The following SAMD4A variants were observed in gnomAD, a reference collection of about 807,000 sequenced individuals.
SAMD4A encodes the protein sterile alpha motif domain containing 4A.
In SAMD4A, 33 loss-of-function variants were observed where a neutral mutation model predicts 81.3. That is an observed-to-expected ratio of 0.41 (90% CI 0.31 to 0.54). The LOEUF (loss-of-function observed/expected upper bound fraction) is 0.54. Among genes scored for constraint, SAMD4A ranks in the 20% least tolerant of loss-of-function variants. SAMD4A has a pLI of 0.37. For missense variants in SAMD4A, 854 were observed against 951.1 expected (o/e 0.90, Z 1.34); for synonymous variants, 389 against 382.1 (o/e 1.02, Z -0.21).
intron 2 of SAMD4A, among the ~76,000 whole-genome samples, chr14:54,660,760 T>A (rs2035624228): frequency 6.6e-6 from 1 of 152,252 alleles, no homozygotes; most frequent in South Asian, 2.1e-4. Flanking sequence ...TTTACACAGC[T>A]ATTTTACAAA....
At chr14:54,619,561 T>C (rs2034567160) in intron 2 of SAMD4A, among the ~76,000 whole-genome samples, 1 of 152,352 alleles carries the variant, frequency 6.6e-6, no homozygotes, top group East Asian at 1.9e-4. Flanking sequence ...TTTAATTTTT[T>C]AAACTTTTAA....
intron 2 of SAMD4A, among the ~76,000 whole-genome samples, chr14:54,628,268 T>A (rs774138976): frequency 2.0e-5 from 3 of 152,084 alleles, no homozygotes; most frequent in African/African-American, 4.8e-5. Context: ...CTGTGTCCCT[T>A]CCTGGGGCTG....
At chr14:54,776,366 C>A in intron 10 of SAMD4A, 48 bp from the exon 11 acceptor site, 1 of 1,558,934 alleles carries the variant, frequency 6.4e-7, no homozygotes. Flanking sequence ...CTGCTCTCCA[C>A]CCCAGTGGGG....
chr14:54,677,782 G>A (rs966518663), intron 2 of SAMD4A, among the ~76,000 whole-genome samples: 2 of 152,122 alleles, frequency 1.3e-5, no homozygotes, highest in East Asian at 1.9e-4. Context: ...AAAATATTTG[G>A]CTTTGAAGAA....
chr14:54,591,109 T>C (rs555729752), intron 2 of SAMD4A, among the ~76,000 whole-genome samples: 1 of 152,266 alleles, frequency 6.6e-6, no homozygotes, highest in East Asian at 1.9e-4. Flanking sequence ...CGTGATTGGC[T>C]TTTAGCACAG....
chr14:54,785,214 T>C (rs548695411), intron 12 of SAMD4A, among the ~76,000 whole-genome samples: 1 of 152,330 alleles, frequency 6.6e-6, no homozygotes, highest in African/African-American at 2.4e-5. Context: ...TAGAGGCGCC[T>C]GCACGTCCAC....
chr14:54,735,965 C>T (rs2037681485), intron 3 of SAMD4A, among the ~76,000 whole-genome samples: 1 of 152,170 alleles, frequency 6.6e-6, no homozygotes, highest in Non-Finnish European at 1.5e-5. Context: ...TTTAAAAATG[C>T]ATGTGGCTCA....
At chr14:54,684,604 A>T (rs574493392) in intron 2 of SAMD4A, among the ~76,000 whole-genome samples, 78 of 69,448 alleles carry the variant, frequency 1.1e-3, no homozygotes, top group Non-Finnish European at 2.2e-3. Context: ...CATTGGCCAG[A>T]CACCCCCGCC....
chr14:54,638,742 G>A (rs1384788632), intron 2 of SAMD4A, among the ~76,000 whole-genome samples: 1 of 152,036 alleles, frequency 6.6e-6, no homozygotes, highest in African/African-American at 2.4e-5. Context: ...GAGTTATAAT[G>A]TAATACCCAG....
intron 2 of SAMD4A, among the ~76,000 whole-genome samples, chr14:54,677,878 T>C (rs560710212): frequency 6.6e-6 from 1 of 152,366 alleles, no homozygotes; most frequent in Admixed American, 6.5e-5. Flanking sequence ...TTTACACTAG[T>C]ATCTGAATCC....
Position 54,793,126 on chromosome 14 carries a change from G to A in SAMD4A, c.*4182G>A, listed in dbSNP as rs2039286954. The stretch of plus-strand genomic sequence containing the variant: ...CTGATATACAGATATACTAATGTTT[G>A]AAGATGCTGTTCTTTGCAAGTGTAC... On this transcript the variant is annotated 3_prime_UTR_variant, in exon 13 of 13. Transcript: ENST00000554335. 1 of 152,224 alleles carries A rather than the reference G, an allele frequency of 6.6e-6. No individual in the cohort carries two copies. Among genetic ancestry groups the A allele is most frequent in the African/African-American group, 2.4e-5 (1 of 41,458 alleles). 9.4% of individuals were successfully genotyped at this position (152,224 alleles called of 1,614,324 possible). A position where few individuals can be genotyped will look rare whatever the true frequency, so the allele number is the denominator to read the frequency against.
chr14:54,728,858 C>A (rs370841386), intron 3 of SAMD4A, among the ~76,000 whole-genome samples: 2 of 152,150 alleles, frequency 1.3e-5, no homozygotes, highest in Non-Finnish European at 2.9e-5. Context: ...CTCTGCTGGC[C>A]GTAGGATTTA....
At chr14:54,612,901 G>A (rs1437870080) in intron 2 of SAMD4A, among the ~76,000 whole-genome samples, 4 of 152,004 alleles carry the variant, frequency 2.6e-5, no homozygotes, top group Admixed American at 1.3e-4. Flanking sequence ...GATGGATTAC[G>A]AGGTCAAGAG....
intron 2 of SAMD4A, among the ~76,000 whole-genome samples, chr14:54,614,321 T>G (rs1387053806): frequency 1.3e-5 from 2 of 152,198 alleles, no homozygotes; most frequent in East Asian, 3.8e-4. Context: ...TTTCTTGGTT[T>G]TGTAATATGG....
intron 10 of SAMD4A, among the ~76,000 whole-genome samples, chr14:54,776,015 T>TA (rs10539223): frequency 0.043 from 3,857 of 89,784 alleles, 181 homozygotes; most frequent in African/African-American, 0.076. Flanking sequence ...GTAAGAATCT[T>TA]AAAAAAAAAA....
chr14:54,721,013 T>C (rs1227239132), intron 3 of SAMD4A, among the ~76,000 whole-genome samples: 1 of 152,214 alleles, frequency 6.6e-6, no homozygotes, highest in African/African-American at 2.4e-5. Flanking sequence ...TCATTTCCTG[T>C]CATCTTCTCT....
rs750044091 is a variant in SAMD4A, at chr14:54,770,209, C to A, written c.1702C>A (p.Arg568=). Residue 568 remains arginine (R), a synonymous_variant, in exon 9 of 13, where the codon CGA becomes AGA. Coordinates refer to ENST00000554335, the MANE Select transcript of SAMD4A (RefSeq NM_015589.6). ...RKTLLDISGY[R]QQRNRGFGQS... ...AACCCTTCTAGACATATCAGGATAT[C>A]GACAGCAAAGAAAGTATGTTGGGAT... 2 of 1,607,724 alleles carry A rather than the reference C, an allele frequency of 1.2e-6. No homozygotes were observed. The highest frequency in any genetic ancestry group is 1.7e-6 in the Non-Finnish European group (2 of 1,174,560).
At chr14:54,586,483 T>C (rs925565975) in intron 2 of SAMD4A, among the ~76,000 whole-genome samples, 3 of 152,238 alleles carry the variant, frequency 2.0e-5, no homozygotes, top group African/African-American at 7.2e-5. Context: ...TTTGGGTTCT[T>C]GATCATGACG....
At chr14:54,780,606 T>C (rs1006165233) in intron 11 of SAMD4A, among the ~76,000 whole-genome samples, 8 of 152,154 alleles carry the variant, frequency 5.3e-5, no homozygotes, top group African/African-American at 1.7e-4. Context: ...AGACAATGGG[T>C]AGGGAGATTG....
Sources: gnomAD v4.1 joint callset for allele counts (sites outside exome capture counted in the v4.1 genomes callset) on GRCh38, gnomAD v4.1.1 for gene constraint, MANE v1.5 for transcripts, NCBI Gene and HGNC (gene_info 2026-07-23, HGNC 2026-07-21) for gene names.